The following SLMAP variants were observed in gnomAD, a reference collection of about 807,000 sequenced individuals.
SLMAP encodes the protein sarcolemma associated protein, also known as sarcolemmal membrane-associated protein.
SLMAP carries 44 observed loss-of-function variants against 128.8 expected under a neutral mutation model. The observed-to-expected ratio is 0.34, with a 90% CI of 0.27 to 0.44. SLMAP has a LOEUF of 0.44. Ranked by LOEUF, SLMAP falls within the 20% of genes least tolerant of loss-of-function variation. The pLI is 1.00. For synonymous variants in SLMAP, 327 were observed against 348.8 expected (o/e 0.94, Z 0.70); for missense variants, 787 against 985.3 (o/e 0.80, Z 2.69).
intron 2 of SLMAP, among the ~76,000 whole-genome samples, chr3:57,784,385 C>T (rs1041718992): frequency 2.0e-5 from 3 of 152,116 alleles, no homozygotes; most frequent in Admixed American, 1.3e-4. Flanking sequence ...TTGGACATGG[C>T]GTCAAAGGAG....
At chr3:57,877,601 G>A (rs910673858) in intron 14 of SLMAP, among the ~76,000 whole-genome samples, 1 of 152,058 alleles carries the variant, frequency 6.6e-6, no homozygotes, top group African/African-American at 2.4e-5. Context: ...AATCTAAGAT[G>A]TATTAGAGAG....
chr3:57,804,675 G>A (rs1222551092), intron 2 of SLMAP, among the ~76,000 whole-genome samples: 1 of 152,162 alleles, frequency 6.6e-6, no homozygotes, highest in Non-Finnish European at 1.5e-5. Context: ...TGTCTGGGAG[G>A]TCGAGGCTGC....
chr3:57,757,639 C>CA lies in SLMAP; in HGVS notation c.-12dup, dbSNP rs1320724303. ...TTGTCCCTGGTAGGAGAGACACCCC[C>CA]AGTCTATCCTCGATGCCGTCAGCCT... On this transcript the variant is annotated 5_prime_UTR_variant, in exon 2 of 25. Coordinates refer to ENST00000671191, the MANE Select transcript of SLMAP (RefSeq NM_001377540.1). 3 of 1,612,924 alleles carry CA rather than the reference C, an allele frequency of 1.9e-6. No homozygotes were observed. The African/African-American group carries it at 4.0e-5, about 21-fold the overall frequency.
chr3:57,829,393 T>G (rs2153543342), intron 2 of SLMAP, among the ~76,000 whole-genome samples: 1 of 152,210 alleles, frequency 6.6e-6, no homozygotes, highest in African/African-American at 2.4e-5. Context: ...ATCCCCTTAT[T>G]TAACTTGCCC....
chr3:57,807,437 G>T (rs897639213), intron 2 of SLMAP, among the ~76,000 whole-genome samples: 3 of 152,116 alleles, frequency 2.0e-5, no homozygotes, highest in African/African-American at 7.2e-5. Context: ...GGTTTGTCCT[G>T]AATAGCTCTT....
chr3:57,902,612 A>T (rs1309023095), intron 17 of SLMAP, among the ~76,000 whole-genome samples: 1 of 152,202 alleles, frequency 6.6e-6, no homozygotes, highest in Non-Finnish European at 1.5e-5. Flanking sequence ...TTCAGATAGC[A>T]AAAACCACTT....
At chr3:57,792,438 T>C (rs1345137483) in intron 2 of SLMAP, among the ~76,000 whole-genome samples, 1 of 151,918 alleles carries the variant, frequency 6.6e-6, no homozygotes, top group East Asian at 1.9e-4. Context: ...GGGGACTGTC[T>C]TATTTGCTTC....
chr3:57,874,098 G>A (rs932471868), intron 14 of SLMAP, among the ~76,000 whole-genome samples: 28 of 152,082 alleles, frequency 1.8e-4, no homozygotes, highest in African/African-American at 6.5e-4. Flanking sequence ...ACTCCGGCCT[G>A]GGCAACAGAG....
chr3:57,807,501 G>A (rs558343848), intron 2 of SLMAP, among the ~76,000 whole-genome samples: 1 of 152,266 alleles, frequency 6.6e-6, no homozygotes, highest in African/African-American at 2.4e-5. Context: ...TTAACATGAA[G>A]GGATGTTGAA....
chr3:57,834,338 G>C (rs1303995090), intron 3 of SLMAP, among the ~76,000 whole-genome samples: 1 of 151,898 alleles, frequency 6.6e-6, no homozygotes, highest in Admixed American at 6.6e-5. Context: ...CAGTGAACAA[G>C]GTAATTAATA....
At chr3:57,880,482 C>CATG (rs1417590654) in intron 14 of SLMAP, among the ~76,000 whole-genome samples, 2 of 152,076 alleles carry the variant, frequency 1.3e-5, no homozygotes, top group Non-Finnish European at 2.9e-5. Context: ...GGATTACAAG[C>CATG]ATGAGCCACC....
intron 14 of SLMAP, among the ~76,000 whole-genome samples, chr3:57,877,049 T>G (rs144778934): frequency 1.6e-4 from 25 of 152,316 alleles, no homozygotes; most frequent in African/African-American, 5.1e-4. Flanking sequence ...TTTTTTTTTT[T>G]TAACACCTGA....
intron 2 of SLMAP, among the ~76,000 whole-genome samples, chr3:57,765,651 A>T (rs932731983): frequency 2.6e-5 from 4 of 152,100 alleles, no homozygotes; most frequent in African/African-American, 9.7e-5. Flanking sequence ...ATTTGTTTGT[A>T]TGTTTGTTTT....
chr3:57,901,549 C>T (rs1247851486), intron 17 of SLMAP: 2 of 152,100 alleles, frequency 1.3e-5, no homozygotes, highest in Non-Finnish European at 2.9e-5. Flanking sequence ...ACTCTAGCTC[C>T]AACTGCCAGT....
intron 2 of SLMAP, among the ~76,000 whole-genome samples, chr3:57,784,443 A>G (rs761903221): frequency 4.6e-5 from 7 of 152,174 alleles, no homozygotes; most frequent in Non-Finnish European, 8.8e-5. Flanking sequence ...TGGGACCACC[A>G]GTTACCCCTC....
chr3:57,926,041 A>T, intron 24 of SLMAP, 107 bp downstream of exon 24: 1 of 757,020 alleles, frequency 1.3e-6, no homozygotes, highest in Non-Finnish European at 2.3e-6. Context: ...TGTTACCTGA[A>T]GCAAACCCTT....
chr3:57,780,077 C>T (rs766350861), intron 2 of SLMAP, among the ~76,000 whole-genome samples: 1 of 151,594 alleles, frequency 6.6e-6, no homozygotes. Flanking sequence ...ACTATATTTA[C>T]ATTCTAAATG....
chr3:57,906,473 G>A (rs910468133), intron 17 of SLMAP, among the ~76,000 whole-genome samples: 5 of 147,794 alleles, frequency 3.4e-5, no homozygotes, highest in African/African-American at 7.4e-5. Flanking sequence ...GCACCACCAC[G>A]CCCAGCTAAT....
At chr3:57,780,153 CTT>C (rs1031318234) in intron 2 of SLMAP, among the ~76,000 whole-genome samples, 2 of 145,470 alleles carry the variant, frequency 1.4e-5, no homozygotes. Context: ...CCCCTCCCTT[CTT>C]TTTTTTTTTG....
Sources: allele counts gnomAD v4.1 joint callset (sites outside exome capture counted in the v4.1 genomes callset), GRCh38; gene constraint gnomAD v4.1.1; transcripts MANE v1.5; gene names NCBI Gene and HGNC (gene_info 2026-07-23, HGNC 2026-07-21).